Variants in WWOX observed in about 807,000 individuals in gnomAD.
The protein encoded by WWOX is WW domain-containing oxidoreductase.
A neutral mutation model predicts 46.2 loss-of-function variants in WWOX; 69 were observed. That is an observed-to-expected ratio of 1.49 (90% CI 1.23 to 1.82). The LOEUF (loss-of-function observed/expected upper bound fraction) is 1.82, where lower values mean the gene tolerates loss of function less well. Among genes scored for constraint, WWOX ranks in the 40% most tolerant of loss-of-function variants. The pLI is 0.00. For synonymous variants in WWOX, 359 were observed against 202.6 expected (o/e 1.77, Z -6.56); for missense variants, 919 against 542.6 (o/e 1.69, Z -6.89).
At chr16:78,708,951 C>G (rs1318603491) in intron 8 of WWOX, among the ~76,000 whole-genome samples, 4 of 152,120 alleles carry the variant, frequency 2.6e-5, no homozygotes, top group Non-Finnish European at 5.9e-5. Flanking sequence ...GAGTTCAAAA[C>G]TCAGTGTCAC....
intron 8 of WWOX, among the ~76,000 whole-genome samples, chr16:78,455,403 G>T (rs1341637544): frequency 6.6e-6 from 1 of 152,036 alleles, no homozygotes; most frequent in Non-Finnish European, 1.5e-5. Flanking sequence ...CATTTTGGGA[G>T]GCCAAGGTGG....
At chr16:78,945,400 T>G (rs188323673) in intron 8 of WWOX, among the ~76,000 whole-genome samples, 70 of 152,316 alleles carry the variant, frequency 4.6e-4, no homozygotes, top group Non-Finnish European at 8.1e-4. Context: ...ACCCTTAGTT[T>G]TAATGCATCT....
At chr16:78,321,958 A>G (rs1042933531) in intron 5 of WWOX, among the ~76,000 whole-genome samples, 8 of 152,246 alleles carry the variant, frequency 5.3e-5, no homozygotes, top group African/African-American at 1.7e-4. Context: ...TGCATAAGTG[A>G]CAGACCTGCA....
At chr16:78,508,095 C>T (rs2085261742) in intron 8 of WWOX, among the ~76,000 whole-genome samples, 2 of 151,732 alleles carry the variant, frequency 1.3e-5, no homozygotes, top group South Asian at 2.1e-4. Flanking sequence ...GCATCCTCTG[C>T]CTCCCAGGTT....
At chr16:78,812,623 G>A (rs900577623) in intron 8 of WWOX, among the ~76,000 whole-genome samples, 2 of 152,036 alleles carry the variant, frequency 1.3e-5, no homozygotes, top group Non-Finnish European at 2.9e-5. Context: ...CTGCTCGGGA[G>A]GCTGACGCGC....
At chr16:78,494,044 T>A (rs1215020589) in intron 8 of WWOX, among the ~76,000 whole-genome samples, 1 of 152,142 alleles carries the variant, frequency 6.6e-6, no homozygotes, top group Non-Finnish European at 1.5e-5. Flanking sequence ...GCAGACTGTA[T>A]AGGCTTCTGC....
chr16:79,193,572 A>G (rs1019065881), intron 8 of WWOX, among the ~76,000 whole-genome samples: 2 of 152,190 alleles, frequency 1.3e-5, no homozygotes, highest in African/African-American at 4.8e-5. Flanking sequence ...CCAGTCATCC[A>G]TCTGCGTGGT....
intron 5 of WWOX, among the ~76,000 whole-genome samples, chr16:78,244,585 C>A (rs964924996): frequency 6.6e-6 from 1 of 152,114 alleles, no homozygotes; most frequent in Non-Finnish European, 1.5e-5. Flanking sequence ...TTTCCTGGTC[C>A]TTTTGAGTAA....
intron 8 of WWOX, among the ~76,000 whole-genome samples, chr16:79,166,581 A>AGGTAGCTAACAATTGAATTGACTG (rs1567593659): frequency 6.6e-6 from 1 of 151,908 alleles, no homozygotes; most frequent in Non-Finnish European, 1.5e-5. Context: ...TGAATTGACT[A>AGGTAGCTAACAATTGAATTGACTG]TGTCAGGTAG....
chr16:78,659,820 T>C (rs2047171415), intron 8 of WWOX, among the ~76,000 whole-genome samples: 1 of 152,208 alleles, frequency 6.6e-6, no homozygotes, highest in Non-Finnish European at 1.5e-5. Context: ...AAGTCACTCT[T>C]ACTTAAACAC....
chr16:78,947,718 C>A (rs773476407), intron 8 of WWOX, among the ~76,000 whole-genome samples: 2 of 152,120 alleles, frequency 1.3e-5, no homozygotes, highest in Non-Finnish European at 2.9e-5. Flanking sequence ...TTCAGAAAAG[C>A]CAAAAAGAAT....
At chr16:78,528,226 G>C (rs951971165) in intron 8 of WWOX, among the ~76,000 whole-genome samples, 4 of 134,880 alleles carry the variant, frequency 3.0e-5, no homozygotes, top group Admixed American at 8.4e-5. Flanking sequence ...GTGTTAGCCA[G>C]GATGGTCTCG....
chr16:78,227,503 T>G (rs2037103370), intron 5 of WWOX, among the ~76,000 whole-genome samples: 1 of 152,210 alleles, frequency 6.6e-6, no homozygotes, highest in Non-Finnish European at 1.5e-5. Flanking sequence ...AGCATTTGTT[T>G]CGATTTGTGG....
At chr16:79,103,073 A>G (rs1447177524) in intron 8 of WWOX, among the ~76,000 whole-genome samples, 1 of 151,480 alleles carries the variant, frequency 6.6e-6, no homozygotes, top group Non-Finnish European at 1.5e-5. Flanking sequence ...TCTCACCATA[A>G]CCCTCTGGCA....
chr16:78,662,629 A>C (rs930374908), intron 8 of WWOX, among the ~76,000 whole-genome samples: 16 of 152,192 alleles, frequency 1.1e-4, no homozygotes, highest in African/African-American at 3.9e-4. Context: ...TTTTTAAAAA[A>C]CATAAAACAA....
intron 8 of WWOX, among the ~76,000 whole-genome samples, chr16:78,524,865 C>CTTTTTT (rs370620034): frequency 8.2e-5 from 4 of 48,512 alleles, no homozygotes; most frequent in African/African-American, 1.4e-4. Context: ...GTTTTTCTTT[C>CTTTTTT]TTTTTTTTTT....
At chr16:78,945,600 G>A (rs978726600) in intron 8 of WWOX, among the ~76,000 whole-genome samples, 1 of 152,010 alleles carries the variant, frequency 6.6e-6, no homozygotes. Context: ...TGGTTTGTTG[G>A]CTTATGTTCG....
intron 4 of WWOX, among the ~76,000 whole-genome samples, chr16:78,158,292 G>A (rs902445553): frequency 6.6e-6 from 1 of 152,146 alleles, no homozygotes; most frequent in African/African-American, 2.4e-5. Context: ...ATGGCCATTT[G>A]ACATGGGTTT....
chr16:78,879,123 T>A (rs1455480724), intron 8 of WWOX, among the ~76,000 whole-genome samples: 1 of 152,024 alleles, frequency 6.6e-6, no homozygotes, highest in African/African-American at 2.4e-5. Flanking sequence ...TAATCCTAAG[T>A]ACTTGTTAAG....
Sources: gnomAD v4.1 joint callset for allele counts (sites outside exome capture counted in the v4.1 genomes callset) on GRCh38, gnomAD v4.1.1 for gene constraint, MANE v1.5 for transcripts, NCBI Gene and HGNC (gene_info 2026-07-23, HGNC 2026-07-21) for gene names.